The following NIPSNAP3B variants were observed in gnomAD, a reference collection of about 807,000 sequenced individuals.
NIPSNAP3B encodes the protein nipsnap homolog 3B.
In NIPSNAP3B, 30 loss-of-function variants were observed where a neutral mutation model predicts 31.5. The observed-to-expected ratio is 0.95, with a 90% CI of 0.71 to 1.29. The LOEUF is 1.29. Ranked by LOEUF, NIPSNAP3B falls within the 50% of genes most tolerant of loss-of-function variation. NIPSNAP3B has a pLI of 0.00. For missense variants in NIPSNAP3B, 269 were observed against 300.7 expected, an observed-to-expected ratio of 0.89 and a Z score of 0.78; for synonymous variants, 106 against 107.9, an observed-to-expected ratio of 0.98 and a Z score of 0.11.
downstream of NIPSNAP3B, among the ~76,000 whole-genome samples, chr9:104,779,193 A>G (rs1264400263): frequency 6.6e-6 from 1 of 152,080 alleles, no homozygotes; most frequent in Non-Finnish European, 1.5e-5. Context: ...ATTGTTATCC[A>G]ATTACCATGT....
intron 4 of NIPSNAP3B, among the ~76,000 whole-genome samples, chr9:104,771,764 G>A (rs1040988489): frequency 2.8e-4 from 43 of 152,078 alleles, no homozygotes; most frequent in African/African-American, 1.0e-3. Context: ...TTGTTGGGTC[G>A]AATGGCAGTT....
In NIPSNAP3B at chr9:104,766,362, A is replaced by G. The variant is rs1169425782; in HGVS notation, c.98A>G (p.Asp33Gly). Residue 33 changes from aspartate to glycine, a missense_variant, in exon 2 of 6, where the codon GAT becomes GGT. Transcript: ENST00000374762. ...TTTGCTACGGGCCCTAGACAATACG[A>G]TGGAACGTTCTATGAATTTCGTACT... ...SSFATGPRQY[D>G]GTFYEFRTYY... is the part of the protein sequence containing the mutation. 6.2e-7 allele frequency: 1 copy of G among 1,613,704 alleles called. No individual in the cohort carries two copies. The highest frequency in any genetic ancestry group is 1.3e-5 in the African/African-American group (1 of 75,008).
At chr9:104,785,294 C>T in the NIPSNAP3B span, 1 of 1,478,800 alleles carries the variant, frequency 6.8e-7, no homozygotes, top group Non-Finnish European at 9.3e-7. Flanking sequence ...GGAATTCAAG[C>T]ACCAATTCAA....
chr9:104,766,357 A>G lies in NIPSNAP3B; in HGVS notation c.93A>G (p.Gln31=), dbSNP rs1455216301. Residue 31 remains glutamine (Q), a synonymous_variant, in exon 2 of 6, where the codon CAA becomes CAG. Transcript: ENST00000374762. ...VCSSFATGPR[Q]YDGTFYEFRT... ...CATCTTTTGCTACGGGCCCTAGACAATACGATGGAACGTTCTATGAATTTC... is the reference window on the plus strand; with the variant it reads ...CATCTTTTGCTACGGGCCCTAGACAGTACGATGGAACGTTCTATGAATTTC... 1 of 1,613,624 alleles carries G rather than the reference A, an allele frequency of 6.2e-7. No homozygotes were observed. Among genetic ancestry groups the G allele is most frequent in the Non-Finnish European group, 8.5e-7 (1 of 1,179,712 alleles).
rs1306966084 is a variant in NIPSNAP3B, at chr9:104,768,897, C to T, written c.306C>T (p.Ala102=). 1.2e-6 allele frequency: 2 copies of T among 1,612,592 alleles called. No homozygotes were observed. The highest frequency in any genetic ancestry group is 3.4e-5 in the Admixed American group (2 of 59,634). Residue 102 remains alanine (A), a synonymous_variant, in exon 3 of 6, where the codon GCC becomes GCT. Coordinates refer to ENST00000374762, the MANE Select transcript of NIPSNAP3B (RefSeq NM_018376.4). The stretch of plus-strand genomic sequence containing the variant: ...CTCATCGAGCTGAAGTTCGGAAAGC[C>T]TTAGCCAACTGTAAGGAATGGCAAG... ...NFAHRAEVRK[A]LANCKEWQEQ...
chr9:104,783,771 A>G, the NIPSNAP3B span: 2 of 160,458 alleles, frequency 1.2e-5, no homozygotes, highest in African/African-American at 4.8e-5. Flanking sequence ...CACAAAAGTG[A>G]GCATGACACA....
chr9:104,764,306 G>A lies in NIPSNAP3B; in HGVS notation c.60+6G>A, dbSNP rs1202634209. The stretch of plus-strand genomic sequence containing the variant: ...CACGGACGCTCGCGCCTCAGGTACT[G>A]GCCGCGGGGGCGCGCCCGAGCCCTG... On this transcript the variant is annotated splice_donor_region_variant and intron_variant, in intron 1 of 5. Coordinates refer to ENST00000374762, the MANE Select transcript of NIPSNAP3B (RefSeq NM_018376.4). The A allele has an allele frequency of 2.5e-6, 4 of 1,575,440 alleles. No individual in the cohort carries two copies. The highest frequency in any genetic ancestry group is 3.4e-6 in the Non-Finnish European group (4 of 1,163,274).
chr9:104,765,981 CAG>C (rs1298412887), intron 1 of NIPSNAP3B, among the ~76,000 whole-genome samples: 4 of 152,154 alleles, frequency 2.6e-5, no homozygotes, highest in Non-Finnish European at 5.9e-5. Context: ...ATTGGCTAAA[CAG>C]GGGAAAACCC....
chr9:104,776,453 T>G lies in NIPSNAP3B; in HGVS notation c.*3380T>G, dbSNP rs534443257. Among the ~76,000 whole-genome samples, 25 of 152,256 alleles carry G rather than the reference T, an allele frequency of 1.6e-4. 1 individual carries two copies. Among genetic ancestry groups the G allele is most frequent in the South Asian group, 1.5e-3 (7 of 4,812 alleles). On this transcript the variant is annotated 3_prime_UTR_variant, in exon 6 of 6. Transcript: ENST00000374762. Reference sequence around the variant, plus strand: ...CTCAACATAGGAGGTTTGGCCTTTGTGAGTTAGTTTTAGATGAGGTCATGT... The same window carrying G: ...CTCAACATAGGAGGTTTGGCCTTTGGGAGTTAGTTTTAGATGAGGTCATGT...
At chr9:104,785,481 A>G in the NIPSNAP3B span, 1 of 1,565,852 alleles carries the variant, frequency 6.4e-7, no homozygotes, top group Admixed American at 1.7e-5. Context: ...TATCCTGGCC[A>G]GAGAAGATAA....
chr9:104,785,625 T>A, the NIPSNAP3B span: 7 of 1,613,910 alleles, frequency 4.3e-6, no homozygotes, highest in Non-Finnish European at 5.9e-6. Context: ...AACTATTGTA[T>A]AACCATCTCC....
intron 3 of NIPSNAP3B, among the ~76,000 whole-genome samples, chr9:104,769,453 CAAAAAAA>C (rs34083177): frequency 1.7e-4 from 19 of 109,434 alleles, no homozygotes; most frequent in African/African-American, 5.9e-4. Flanking sequence ...GACTCCGTCT[CAAAAAAA>C]AAAAAAAAAA....
At chr9:104,785,594 G>C in the NIPSNAP3B span, 2 of 1,614,130 alleles carry the variant, frequency 1.2e-6, no homozygotes, top group Non-Finnish European at 1.7e-6. Context: ...TCAGGTCCGG[G>C]TTGGACCCTG....
At chr9:104,788,122 C>T in the NIPSNAP3B span, 1 of 1,510,348 alleles carries the variant, frequency 6.6e-7, no homozygotes, top group Non-Finnish European at 9.2e-7. Context: ...CCTACACATA[C>T]ATGTATGAAA....
At chr9:104,772,758 T>C (rs1200349846) in intron 4 of NIPSNAP3B, 64 bp from the exon 5 acceptor site, 9 of 1,527,502 alleles carry the variant, frequency 5.9e-6, no homozygotes, top group Non-Finnish European at 8.0e-6. Context: ...TGATTCACTT[T>C]TTCAATATTT....
At chr9:104,783,829 C>T in the NIPSNAP3B span, 10 of 167,838 alleles carry the variant, frequency 6.0e-5, no homozygotes, top group Non-Finnish European at 1.3e-4. Context: ...ATAACTCTGG[C>T]ACACTCATTG....
At chr9:104,784,215 C>T in the NIPSNAP3B span, 2 of 1,488,936 alleles carry the variant, frequency 1.3e-6, no homozygotes, top group Non-Finnish European at 9.3e-7. Flanking sequence ...TTACTTCTTC[C>T]CACATCAACT....
At chr9:104,764,356 G>GA in intron 1 of NIPSNAP3B, 56 bp downstream of exon 1, 1 of 1,440,874 alleles carries the variant, frequency 6.9e-7, no homozygotes. Flanking sequence ...GAGGGGCGGG[G>GA]GGTATTTCTG....
intron 3 of NIPSNAP3B, among the ~76,000 whole-genome samples, chr9:104,769,470 A>AAAAG (rs1554691850): frequency 5.3e-5 from 8 of 151,602 alleles, no homozygotes; most frequent in African/African-American, 1.5e-4. Context: ...AAAAAAAAAA[A>AAAAG]AGAGAATTAG....
Sources: gnomAD v4.1 joint callset for allele counts (sites outside exome capture counted in the v4.1 genomes callset) on GRCh38, gnomAD v4.1.1 for gene constraint, MANE v1.5 for transcripts, NCBI Gene and HGNC (gene_info 2026-07-23, HGNC 2026-07-21) for gene names.